DOK6: variants seen among roughly 807,000 people sequenced by gnomAD.
DOK6 encodes downstream of tyrosine kinase 6.
DOK6 carries 22 observed loss-of-function variants against 44.0 expected under a neutral mutation model. The ratio of observed to expected loss-of-function variants is 0.50; its 90% CI spans 0.36 to 0.71. The LOEUF is 0.71. DOK6 is among the 30% of genes least tolerant of loss of function. The probability of loss-of-function intolerance (pLI) is 0.00; values close to 1 mark genes in which losing one functional copy is unlikely to be tolerated. For missense variants in DOK6, 340 were observed against 416.4 expected, an observed-to-expected ratio of 0.82 and a Z score of 1.60; for synonymous variants, 166 against 145.5, an observed-to-expected ratio of 1.14 and a Z score of -1.01.
intron 2 of DOK6, among the ~76,000 whole-genome samples, chr18:69,573,645 T>G (rs1180753813): frequency 2.6e-5 from 4 of 151,922 alleles, no homozygotes; most frequent in African/African-American, 9.7e-5. Context: ...AGGTTTTTTT[T>G]TAAGAGTGTA....
At position 69,764,535 on chromosome 18, in the gene DOK6, A is replaced by C. The variant is rs145972919; in HGVS notation, c.856+6662A>C. Reference sequence around the variant, plus strand: ...AGGAGCTTTTTCCCCTTCATGCTCCAATTCTCTCTCCTGCCACCACGTGAA... The same window carrying C: ...AGGAGCTTTTTCCCCTTCATGCTCCCATTCTCTCTCCTGCCACCACGTGAA... On this transcript the variant is annotated intron_variant, in intron 7 of 7. Transcript: ENST00000382713. 1.3e-4 allele frequency among the ~76,000 whole-genome samples: 20 copies of C among 152,238 alleles called. No homozygotes were observed. In the East Asian group the frequency reaches 3.9e-3, roughly 29 times the overall value.
intron 1 of DOK6, among the ~76,000 whole-genome samples, chr18:69,543,866 A>G (rs17081202): frequency 0.056 from 8,496 of 151,558 alleles, 817 homozygotes; most frequent in African/African-American, 0.19. Flanking sequence ...AAATAAGGGA[A>G]TTTCAGGTAA....
intron 2 of DOK6, among the ~76,000 whole-genome samples, chr18:69,581,066 G>A (rs1165802868): frequency 2.0e-5 from 3 of 152,092 alleles, no homozygotes; most frequent in Non-Finnish European, 4.4e-5. Flanking sequence ...GTATTCCATC[G>A]TGTATATACG....
chr18:69,658,455 T>TAAG (rs1213348648), intron 3 of DOK6, among the ~76,000 whole-genome samples: 15 of 152,248 alleles, frequency 9.9e-5, no homozygotes, highest in African/African-American at 3.6e-4. Flanking sequence ...ATTTTTAAAA[T>TAAG]AAGTATTGTT....
Position 69,677,775 on chromosome 18 carries a change from T to C in DOK6, c.331T>C (p.Cys111Arg). 6.2e-7 allele frequency: 1 copy of C among 1,613,780 alleles called. No homozygotes were observed. The highest frequency in any genetic ancestry group is 8.5e-7 in the Non-Finnish European group (1 of 1,179,786). Reference sequence around the variant, plus strand: ...GTGGTGCAAGCACCTCTGCATGGAGTGTCTGGGGACCAGGCTCAATGATAT... The same window carrying C: ...GTGGTGCAAGCACCTCTGCATGGAGCGTCTGGGGACCAGGCTCAATGATAT... ...EEWCKHLCME[C>R]LGTRLNDISL... is the part of the protein sequence containing the mutation. Residue 111 changes from cysteine to arginine, a missense_variant, in exon 4 of 8, where the codon TGT becomes CGT. Transcript: ENST00000382713.
chr18:69,644,349 T>A lies in DOK6; in HGVS notation c.290-33385T>A, dbSNP rs182321594. 1.9e-4 allele frequency among the ~76,000 whole-genome samples: 29 copies of A among 152,338 alleles called. No individual in the cohort carries two copies. The East Asian group carries it at 4.2e-3, about 22-fold the overall frequency. ...GAACTCTTTGCGTACTCTTAATTCC[T>A]AAAGGTTTTTTCTTCCACTTTTAAA... On this transcript the variant is annotated intron_variant, in intron 3 of 7. Coordinates refer to ENST00000382713, the MANE Select transcript of DOK6 (RefSeq NM_152721.6).
chr18:69,648,639 T>C (rs1429972574), intron 3 of DOK6, among the ~76,000 whole-genome samples: 2 of 152,216 alleles, frequency 1.3e-5, no homozygotes, highest in African/African-American at 4.8e-5. Flanking sequence ...AAATATCGTC[T>C]GTTAATTGAT....
rs547695047 is a variant in DOK6, at chr18:69,641,041, C to T, written c.290-36693C>T. ...GACCATCCTGGCCAACATAGTAAAA[C>T]CACGTCTCTACTAAAATACAAAAAA... is the stretch of plus-strand genomic sequence containing the variant. On this transcript the variant is annotated intron_variant, in intron 3 of 7. Transcript: ENST00000382713. 3.7e-3 allele frequency among the ~76,000 whole-genome samples: 557 copies of T among 152,064 alleles called. 4 individuals are homozygous for T. Among genetic ancestry groups the T allele is most frequent in the South Asian group, 5.4e-3 (26 of 4,802 alleles).
intron 7 of DOK6, among the ~76,000 whole-genome samples, chr18:69,814,554 G>A (rs529871422): frequency 6.6e-6 from 1 of 152,220 alleles, no homozygotes; most frequent in East Asian, 1.9e-4. Context: ...AACTATCCGA[G>A]ACTGGATAAT....
intron 5 of DOK6, among the ~76,000 whole-genome samples, chr18:69,714,950 C>G (rs1161064109): frequency 6.6e-6 from 1 of 152,064 alleles, no homozygotes; most frequent in Non-Finnish European, 1.5e-5. Context: ...TAGAAAATTA[C>G]TTTGTATATT....
chr18:69,757,735 A>G (rs1979404228), intron 6 of DOK6, 21 bp from the exon 7 acceptor site: 1 of 1,604,776 alleles, frequency 6.2e-7, no homozygotes, highest in South Asian at 1.1e-5. Flanking sequence ...GAGGCCTAAA[A>G]CACATTCTTT....
chr18:69,470,655 G>T (rs73466895), intron 1 of DOK6, among the ~76,000 whole-genome samples: 2,418 of 151,988 alleles, frequency 0.016, 78 homozygotes, highest in African/African-American at 0.056. Context: ...ATCCAGGACT[G>T]TGAGAGAAAG....
At chr18:69,412,844 A>G (rs1453779182) in intron 1 of DOK6, among the ~76,000 whole-genome samples, 1 of 152,138 alleles carries the variant, frequency 6.6e-6, no homozygotes, top group African/African-American at 2.4e-5. Flanking sequence ...CTAGAGCACA[A>G]GAACATGAGC....
At chr18:69,442,934 C>A (rs1247705018) in intron 1 of DOK6, among the ~76,000 whole-genome samples, 1 of 152,084 alleles carries the variant, frequency 6.6e-6, no homozygotes, top group East Asian at 1.9e-4. Flanking sequence ...CAAAGCAGAC[C>A]CTTAGCAGAT....
At chr18:69,401,414 G>C in intron 1 of DOK6, 104 bp downstream of exon 1, 4 of 1,266,526 alleles carry the variant, frequency 3.2e-6, no homozygotes, top group Non-Finnish European at 4.1e-6. Context: ...ACAGGGCAGA[G>C]AGGGACCCGG....
At chr18:69,585,629 T>C (rs1983481113) in intron 2 of DOK6, among the ~76,000 whole-genome samples, 1 of 152,250 alleles carries the variant, frequency 6.6e-6, no homozygotes, top group Non-Finnish European at 1.5e-5. Flanking sequence ...TGTCTTTTTT[T>C]TCACTGGACA....
At chr18:69,647,172 T>TATCCATCTATCC (rs1344678494) in intron 3 of DOK6, among the ~76,000 whole-genome samples, 7 of 145,854 alleles carry the variant, frequency 4.8e-5, no homozygotes, top group Non-Finnish European at 1.1e-4. Flanking sequence ...CCATCTATCC[T>TATCCATCTATCC]ATCCATCTAT....
intron 2 of DOK6, among the ~76,000 whole-genome samples, chr18:69,575,123 A>T (rs1002670214): frequency 6.6e-6 from 1 of 152,100 alleles, no homozygotes; most frequent in Admixed American, 6.6e-5. Context: ...AAAACTTTTT[A>T]AAAAGACTTT....
chr18:69,638,729 A>G lies in DOK6; in HGVS notation c.290-39005A>G, dbSNP rs1019405292. 3.3e-5 allele frequency among the ~76,000 whole-genome samples: 5 copies of G among 152,298 alleles called. No individual in the cohort carries two copies. In the East Asian group the frequency reaches 9.6e-4, roughly 29 times the overall value. On this transcript the variant is annotated intron_variant, in intron 3 of 7. Coordinates refer to ENST00000382713, the MANE Select transcript of DOK6 (RefSeq NM_152721.6). ...TTCCTGGTTCATTTGCGGTTCTTCA[A>G]TGGGAATAGCTTGAAGAAGGATCCA...
Sources: gnomAD v4.1 joint callset for allele counts (sites outside exome capture counted in the v4.1 genomes callset) on GRCh38, gnomAD v4.1.1 for gene constraint, MANE v1.5 for transcripts, NCBI Gene and HGNC (gene_info 2026-07-23, HGNC 2026-07-21) for gene names.